ARHGAP27: variants seen among roughly 807,000 people sequenced by gnomAD.
ARHGAP27 encodes the protein rho GTPase-activating protein 27.
Under a neutral mutation model 102.0 loss-of-function variants are expected in ARHGAP27, and 53 were observed. The observed-to-expected ratio is 0.52, with a 90% CI of 0.42 to 0.65. The LOEUF (loss-of-function observed/expected upper bound fraction) is 0.65. ARHGAP27 is among the 30% of genes least tolerant of loss of function. ARHGAP27 has a pLI of 0.00. For missense variants in ARHGAP27, 1,117 were observed against 1,256.2 expected, an observed-to-expected ratio of 0.89 and a Z score of 1.68; for synonymous variants, 525 against 542.8, an observed-to-expected ratio of 0.97 and a Z score of 0.46.
intron 12 of ARHGAP27, among the ~76,000 whole-genome samples, chr17:45,400,116 T>C (rs1450990913): frequency 1.3e-5 from 2 of 152,162 alleles, no homozygotes; most frequent in Non-Finnish European, 2.9e-5. Flanking sequence ...TGAGCTACGA[T>C]CAAGCCACTG....
chr17:45,399,374 T>C (rs1426703688), intron 12 of ARHGAP27, among the ~76,000 whole-genome samples: 9 of 151,952 alleles, frequency 5.9e-5, no homozygotes, highest in Admixed American at 5.9e-4. Context: ...GGGTGGATCA[T>C]GAGGTCAGGA....
At chr17:45,416,907 T>C (rs1302221466) in intron 4 of ARHGAP27, among the ~76,000 whole-genome samples, 1 of 149,098 alleles carries the variant, frequency 6.7e-6, no homozygotes. Flanking sequence ...GTAATCCCAG[T>C]ATTTTGGGAG....
intron 5 of ARHGAP27, 80 bp from the exon 6 acceptor site, chr17:45,405,186 C>A (rs1336203868): frequency 6.9e-7 from 1 of 1,442,192 alleles, no homozygotes; most frequent in African/African-American, 1.4e-5. Flanking sequence ...ACCAGGCCCA[C>A]CCCCTTGCCT....
rs763927588 is a variant in ARHGAP27, at chr17:45,396,548, C to T, written c.2112G>A (p.Glu704=). 1.3e-6 allele frequency: 2 copies of T among 1,597,208 alleles called. No individual in the cohort carries two copies. The highest frequency in any genetic ancestry group is 2.2e-5 in the East Asian group (1 of 44,544). The change falls in exon 16 of 20, where the codon GAG becomes GAA. Residue 704 remains glutamate, a synonymous_variant. Transcript: ENST00000685559. ...VFGCALAALC[E]RERSRVPRFV... Reference sequence around the variant, plus strand: ...AGCGTGGCACCCGGCTCCTCTCGCGCTCACACAGCGCGGCCAGCGCGCAGC... The same window carrying T: ...AGCGTGGCACCCGGCTCCTCTCGCGTTCACACAGCGCGGCCAGCGCGCAGC...
chr17:45,423,433 C>G (rs73305456), intron 4 of ARHGAP27, among the ~76,000 whole-genome samples: 5,430 of 152,192 alleles, frequency 0.036, 336 homozygotes, highest in African/African-American at 0.13. Context: ...GGCACCCGGT[C>G]CAGAGGGTTT....
intron 12 of ARHGAP27, among the ~76,000 whole-genome samples, chr17:45,402,145 G>C (rs531023272): frequency 6.6e-6 from 1 of 152,318 alleles, no homozygotes; most frequent in African/African-American, 2.4e-5. Context: ...ATGCGGTCCA[G>C]TCGGAAATGG....
intron 16 of ARHGAP27, 48 bp downstream of exon 16, chr17:45,396,439 C>T: frequency 6.7e-7 from 1 of 1,485,008 alleles, no homozygotes; most frequent in Non-Finnish European, 8.9e-7. Flanking sequence ...GGCAGGAGGC[C>T]TGCGGGCACC....
chr17:45,405,021 G>C lies in ARHGAP27; in HGVS notation c.1151C>G (p.Pro384Arg). Residue 384 changes from proline to arginine, a missense_variant, in exon 6 of 20, where the codon CCC becomes CGC. Physicochemically the swap from Pro to Arg is moderately radical, Grantham distance 103. Coordinates refer to ENST00000685559, the MANE Select transcript of ARHGAP27 (RefSeq NM_001282290.2). ...DYSPVGSFGEPGPTSPLTTPP... is the reference protein window; with the variant it reads ...DYSPVGSFGERGPTSPLTTPP... ...TGTGGTCAAGGGAGAGGTAGGGCCG[G>C]GCTCACCGAAAGAGCCCACGGGAGA... The C allele has an allele frequency of 6.2e-7, 1 of 1,613,908 alleles. No individual in the cohort carries two copies.
chr17:45,412,026 A>G (rs1397816854), intron 4 of ARHGAP27, among the ~76,000 whole-genome samples: 4 of 152,034 alleles, frequency 2.6e-5, no homozygotes, highest in African/African-American at 7.2e-5. Flanking sequence ...GGGACTCCCT[A>G]TGGCAGAGCC....
chr17:45,407,125 G>A (rs1336606679), intron 4 of ARHGAP27, among the ~76,000 whole-genome samples: 1 of 152,134 alleles, frequency 6.6e-6, no homozygotes, highest in African/African-American at 2.4e-5. Context: ...CCAGGCACAA[G>A]AGACCGTCCC....
At chr17:45,396,386 C>G in intron 16 of ARHGAP27, 101 bp downstream of exon 16, 1 of 1,469,912 alleles carries the variant, frequency 6.8e-7, no homozygotes, top group Non-Finnish European at 9.0e-7. Flanking sequence ...GTACTTTCCC[C>G]CTGGACCCTG....
chr17:45,415,933 T>C (rs1193260778), intron 4 of ARHGAP27, among the ~76,000 whole-genome samples: 1 of 152,228 alleles, frequency 6.6e-6, no homozygotes, highest in Non-Finnish European at 1.5e-5. Context: ...AATCTGACGA[T>C]GGCTTAGGTC....
chr17:45,427,620 G>A lies in ARHGAP27; in HGVS notation c.657+2003C>T, dbSNP rs945898675. The stretch of plus-strand genomic sequence containing the variant: ...GACTTTGTTGGGGGTGGAGCACCAG[G>A]GAGACCCACAGCTGCCTCTTGAATA... On this transcript the variant is annotated intron_variant, in intron 4 of 19. Coordinates refer to ENST00000685559, the MANE Select transcript of ARHGAP27 (RefSeq NM_001282290.2). The surrounding 1 kb of genome is among the most constrained non-coding windows in gnomAD (Gnocchi z 4.5). Among the ~76,000 whole-genome samples, 1 of 152,208 alleles carries A rather than the reference G, an allele frequency of 6.6e-6. No homozygotes were observed. The highest frequency in any genetic ancestry group is 2.4e-5 in the African/African-American group (1 of 41,448).
At chr17:45,423,198 AAG>A (rs2049214160) in intron 4 of ARHGAP27, among the ~76,000 whole-genome samples, 1 of 152,190 alleles carries the variant, frequency 6.6e-6, no homozygotes, top group East Asian at 1.9e-4. Flanking sequence ...AAAATAAAAA[AAG>A]AAAATACGCA....
Position 45,430,437 on chromosome 17 carries a change from A to G in ARHGAP27, c.-18-140T>C. ...CGGGCCTCAGTTTTCCCATCTCTAA[A>G]ATGGGAACTTGCATAAAATCACATG... On this transcript the variant is annotated intron_variant, in intron 3 of 19. Coordinates refer to ENST00000685559, the MANE Select transcript of ARHGAP27 (RefSeq NM_001282290.2). This position sits in a 1 kb window ranked among gnomAD's most constrained non-coding sequence, Gnocchi z 4.4. 1 of 1,255,224 alleles carries G rather than the reference A, an allele frequency of 8.0e-7. No individual in the cohort carries two copies. Among genetic ancestry groups the G allele is most frequent in the Non-Finnish European group, 1.1e-6 (1 of 936,604 alleles). The allele number at this position is 1,255,224 out of a possible 1,614,324, so 77.8% of individuals were successfully genotyped here.
chr17:45,399,013 A>G (rs1243502962), intron 12 of ARHGAP27, among the ~76,000 whole-genome samples: 2 of 152,116 alleles, frequency 1.3e-5, no homozygotes, highest in Non-Finnish European at 2.9e-5. Context: ...TAAACAGAAC[A>G]CCAGAGGGAA....
chr17:45,395,298 G>A lies in ARHGAP27; in HGVS notation c.*158C>T. On this transcript the variant is annotated 3_prime_UTR_variant, in exon 20 of 20. Coordinates refer to ENST00000685559, the MANE Select transcript of ARHGAP27 (RefSeq NM_001282290.2). ...CACATTTTGCAAACTGCCCACTAGG[G>A]GTCACCGTACCCTCAGAACCGAGGG... The A allele has an allele frequency of 1.1e-6, 1 of 914,634 alleles. No individual in the cohort carries two copies. The highest frequency in any genetic ancestry group is 1.6e-6 in the Non-Finnish European group (1 of 625,830). 56.7% of individuals were successfully genotyped at this position (914,634 alleles called of 1,614,324 possible).
chr17:45,396,481 A>G lies in ARHGAP27; in HGVS notation c.2173+6T>C. 6.5e-7 allele frequency: 1 copy of G among 1,530,868 alleles called. No homozygotes were observed. Among genetic ancestry groups the G allele is most frequent in the Non-Finnish European group, 8.7e-7 (1 of 1,143,748 alleles). The allele number at this position is 1,530,868 out of a possible 1,614,324, so 94.8% of individuals were successfully genotyped here. ...CCTGCCGCCCTCACCCCCGCAGCGC[A>G]CGTACCGCGGGCCTCGACGGCGCGG... On this transcript the variant is annotated splice_donor_region_variant and intron_variant, in intron 16 of 19. Transcript: ENST00000685559.
chr17:45,401,229 C>T (rs1343698102), intron 12 of ARHGAP27, among the ~76,000 whole-genome samples: 1 of 152,162 alleles, frequency 6.6e-6, no homozygotes, highest in Non-Finnish European at 1.5e-5. Context: ...GTCCTAGCTA[C>T]TCGGAAGCCT....
Sources: allele counts gnomAD v4.1 joint callset (sites outside exome capture counted in the v4.1 genomes callset), GRCh38; gene constraint gnomAD v4.1.1; non-coding constraint Gnocchi (gnomAD v3.1); transcripts MANE v1.5; gene names NCBI Gene and HGNC (gene_info 2026-07-23, HGNC 2026-07-21).